GRM1: variants seen among roughly 807,000 people sequenced by gnomAD.
GRM1 encodes glutamate metabotropic receptor 1, also known as metabotropic glutamate receptor 1.
In GRM1, 33 loss-of-function variants were observed where a neutral mutation model predicts 90.9. The observed-to-expected ratio is 0.36, with a 90% confidence interval of 0.28 to 0.49. GRM1 has a LOEUF of 0.49. Among genes scored for constraint, GRM1 ranks in the 20% least tolerant of loss-of-function variants. GRM1 has a pLI of 0.99. For synonymous variants in GRM1, 700 were observed against 613.2 expected, an observed-to-expected ratio of 1.14 and a Z score of -2.09; for missense variants, 1,190 against 1,534.3, an observed-to-expected ratio of 0.78 and a Z score of 3.75.
intron 3 of GRM1, among the ~76,000 whole-genome samples, chr6:146,330,995 T>C (rs575298141): frequency 6.6e-6 from 1 of 152,162 alleles, no homozygotes; most frequent in South Asian, 2.1e-4. Context: ...GCATGCCAAA[T>C]TGTGAGATGC....
intron 1 of GRM1, among the ~76,000 whole-genome samples, chr6:146,119,655 A>G (rs946026684): frequency 6.6e-6 from 1 of 152,194 alleles, no homozygotes; most frequent in African/African-American, 2.4e-5. Flanking sequence ...AGCTTTCTAC[A>G]TATGATTAGC....
chr6:146,199,917 T>C (rs1160136052), intron 2 of GRM1, among the ~76,000 whole-genome samples: 1 of 152,174 alleles, frequency 6.6e-6, no homozygotes, highest in East Asian at 1.9e-4. Context: ...CTCAGGAGGC[T>C]GAGGCAGGAG....
At chr6:146,389,755 T>C (rs1052744493) in intron 6 of GRM1, among the ~76,000 whole-genome samples, 1 of 152,092 alleles carries the variant, frequency 6.6e-6, no homozygotes, top group African/African-American at 2.4e-5. Context: ...CTGGGTCATA[T>C]ATTCAGATGA....
At chr6:146,393,093 C>T (rs150626733) in intron 6 of GRM1, among the ~76,000 whole-genome samples, 200 of 152,248 alleles carry the variant, frequency 1.3e-3, no homozygotes, top group Non-Finnish European at 1.5e-3. Context: ...GTTCTAGATC[C>T]TTGAGGAATC....
intron 2 of GRM1, among the ~76,000 whole-genome samples, chr6:146,290,500 A>G (rs1224636624): frequency 2.8e-4 from 43 of 152,232 alleles, no homozygotes; most frequent in Admixed American, 2.7e-3. Context: ...AGCATGACTC[A>G]GAGAGCCAAG....
At chr6:146,204,616 T>C (rs1209730577) in intron 2 of GRM1, among the ~76,000 whole-genome samples, 1 of 152,216 alleles carries the variant, frequency 6.6e-6, no homozygotes, top group Non-Finnish European at 1.5e-5. Context: ...TAAATAAATT[T>C]CTTGAAATTT....
At chr6:146,144,545 T>C (rs1777017911) in intron 1 of GRM1, among the ~76,000 whole-genome samples, 1 of 152,236 alleles carries the variant, frequency 6.6e-6, no homozygotes, top group Non-Finnish European at 1.5e-5. Context: ...TCAGTATCCA[T>C]CATTATAAGA....
At chr6:146,423,635 G>A (rs927836552) in intron 7 of GRM1, among the ~76,000 whole-genome samples, 4 of 152,120 alleles carry the variant, frequency 2.6e-5, no homozygotes, top group African/African-American at 9.7e-5. Flanking sequence ...AGTCACAGAG[G>A]CCACAGAGCT....
chr6:146,118,657 G>T (rs1355090738), intron 1 of GRM1, among the ~76,000 whole-genome samples: 1 of 152,114 alleles, frequency 6.6e-6, no homozygotes, highest in Non-Finnish European at 1.5e-5. Context: ...TGTTCTCATT[G>T]TTCAATTCCC....
intron 2 of GRM1, among the ~76,000 whole-genome samples, chr6:146,214,756 G>A (rs939612715): frequency 1.3e-5 from 2 of 152,096 alleles, no homozygotes; most frequent in Non-Finnish European, 2.9e-5. Context: ...TCACAGAGAG[G>A]GTAGAATTAG....
At chr6:146,142,303 G>A (rs1776908928) in intron 1 of GRM1, among the ~76,000 whole-genome samples, 1 of 152,146 alleles carries the variant, frequency 6.6e-6, no homozygotes, top group Non-Finnish European at 1.5e-5. Context: ...TGGGAGAGGT[G>A]ACACAAGCAC....
intron 5 of GRM1, among the ~76,000 whole-genome samples, chr6:146,375,795 GT>G (rs1776078295): frequency 6.6e-6 from 1 of 151,976 alleles, no homozygotes; most frequent in Admixed American, 6.6e-5. Context: ...GGTGAAGTGT[GT>G]TTTTTGTAGG....
At chr6:146,302,857 AGAAAGAAGGAAGAAG>A (rs1783439989) in intron 2 of GRM1, among the ~76,000 whole-genome samples, 1 of 152,088 alleles carries the variant, frequency 6.6e-6, no homozygotes, top group African/African-American at 2.4e-5. Context: ...GAAAGAAAAA[AGAAAGAAGGAAGAAG>A]GAAAGAAGGA....
intron 2 of GRM1, among the ~76,000 whole-genome samples, chr6:146,174,673 A>C (rs1241756391): frequency 2.6e-5 from 4 of 152,214 alleles, no homozygotes; most frequent in Non-Finnish European, 5.9e-5. Flanking sequence ...GTTTTGGGTT[A>C]TTAGATTAGG....
At chr6:146,379,932 C>CTG (rs1213959320) in intron 5 of GRM1, among the ~76,000 whole-genome samples, 1 of 41,826 alleles carries the variant, frequency 2.4e-5, no homozygotes, top group Admixed American at 1.9e-4. Flanking sequence ...CAGAGTCTGT[C>CTG]TCTCTCTCTC....
chr6:146,295,261 AC>A (rs1317619702), intron 2 of GRM1, among the ~76,000 whole-genome samples: 1 of 151,896 alleles, frequency 6.6e-6, no homozygotes, highest in African/African-American at 2.4e-5. Flanking sequence ...TCACCCTGTC[AC>A]CCAGGCTGGA....
At chr6:146,039,338 A>G (rs559078273) in intron 1 of GRM1, among the ~76,000 whole-genome samples, 1 of 152,156 alleles carries the variant, frequency 6.6e-6, no homozygotes, top group East Asian at 1.9e-4. Context: ...CAGTAAAAGC[A>G]CTGACATAGA....
intron 1 of GRM1, among the ~76,000 whole-genome samples, chr6:146,151,797 A>T (rs918749842): frequency 6.6e-6 from 1 of 152,108 alleles, no homozygotes; most frequent in Admixed American, 6.6e-5. Context: ...ATAAACAATC[A>T]TGTCCACTTC....
intron 1 of GRM1, among the ~76,000 whole-genome samples, chr6:146,136,533 G>A (rs1776627758): frequency 6.6e-6 from 1 of 152,134 alleles, no homozygotes; most frequent in Non-Finnish European, 1.5e-5. Flanking sequence ...CAGTGATGTT[G>A]AACACCTTTT....
Sources: allele counts gnomAD v4.1 joint callset (sites outside exome capture counted in the v4.1 genomes callset), GRCh38; gene constraint gnomAD v4.1.1; transcripts MANE v1.5; gene names NCBI Gene and HGNC (gene_info 2026-07-23, HGNC 2026-07-21).